The following FGF7 variants were observed in gnomAD, a reference collection of about 807,000 sequenced individuals.
FGF7 encodes the protein fibroblast growth factor 7.
A neutral mutation model predicts 20.5 loss-of-function variants in FGF7; 6 were observed. That is an observed-to-expected ratio of 0.29 (90% CI 0.16 to 0.58). The LOEUF is 0.58. Among genes scored for constraint, FGF7 ranks in the 20% least tolerant of loss-of-function variants. FGF7 has a pLI of 0.90. For synonymous variants in FGF7, 64 were observed against 74.7 expected (o/e 0.86, Z 0.74); for missense variants, 144 against 228.8 (o/e 0.63, Z 2.39).
At chr15:49,458,075 C>A (rs1450161836) in intron 2 of FGF7, among the ~76,000 whole-genome samples, 2 of 151,836 alleles carry the variant, frequency 1.3e-5, no homozygotes, top group Non-Finnish European at 2.9e-5. Flanking sequence ...TGTAAAAATT[C>A]TCTGAAAACT....
rs2056367782 is a variant in FGF7, at chr15:49,485,917, G to C, written c.*1413G>C. The stretch of plus-strand genomic sequence containing the variant: ...ACTGAAAGTTGTTTTCCTGTTAGAT[G>C]GCAAGAGCACAATGCCCAAAATAGA... On this transcript the variant is annotated 3_prime_UTR_variant, in exon 4 of 4. Transcript: ENST00000267843. The C allele has an allele frequency of 1.3e-5, 2 of 152,000 alleles. No homozygotes were observed. Among genetic ancestry groups the C allele is most frequent in the Admixed American group, 6.6e-5 (1 of 15,224 alleles). 9.4% of individuals were successfully genotyped at this position (152,000 alleles called of 1,614,324 possible).
Position 49,424,238 on chromosome 15 carries a change from A to G in FGF7, c.-60A>G. On this transcript the variant is annotated 5_prime_UTR_variant, in exon 2 of 4. Transcript: ENST00000267843. The stretch of plus-strand genomic sequence containing the variant: ...AAGAGGTCAATGACCTAGGAGTAAC[A>G]ATCAACTCAAGATTCATTTTCATTA... 1 of 1,467,926 alleles carries G rather than the reference A, an allele frequency of 6.8e-7. No homozygotes were observed. Among genetic ancestry groups the G allele is most frequent in the Non-Finnish European group, 9.4e-7 (1 of 1,061,888 alleles). 90.9% of individuals were successfully genotyped at this position (1,467,926 alleles called of 1,614,324 possible). A position where few individuals can be genotyped will look rare whatever the true frequency, so the allele number is the denominator to read the frequency against.
chr15:49,456,475 C>A (rs940188355), intron 2 of FGF7, among the ~76,000 whole-genome samples: 1 of 152,070 alleles, frequency 6.6e-6, no homozygotes, highest in African/African-American at 2.4e-5. Context: ...AATTTCTCAA[C>A]CATTATATTT....
At chr15:49,449,911 AG>A (rs1389017542) in intron 2 of FGF7, among the ~76,000 whole-genome samples, 3 of 152,094 alleles carry the variant, frequency 2.0e-5, no homozygotes, top group Non-Finnish European at 2.9e-5. Flanking sequence ...GTTGGAAAAC[AG>A]GTTTTTAGAA....
At position 49,426,557 on chromosome 15, in the gene FGF7, TTTTG is replaced by T. The variant is rs375049919; in HGVS notation, c.286+1980_286+1983del. On this transcript the variant is annotated intron_variant, in intron 2 of 3. Transcript: ENST00000267843. Reference sequence around the variant, plus strand: ...AATACATTTGCATATGTAAATTTTATTTTGTTTGTGTTAAAATTTCTTGAAACAA... The same window carrying T: ...AATACATTTGCATATGTAAATTTTATTTTGTGTTAAAATTTCTTGAAACAA... Among the ~76,000 whole-genome samples the T allele has an allele frequency of 4.2e-3, 632 of 152,074 alleles. 8 individuals are homozygous for T. The highest frequency in any genetic ancestry group is 0.015 in the African/African-American group (603 of 41,544).
At chr15:49,450,483 A>G (rs574405749) in intron 2 of FGF7, among the ~76,000 whole-genome samples, 32 of 152,144 alleles carry the variant, frequency 2.1e-4, no homozygotes, top group African/African-American at 7.0e-4. Flanking sequence ...TTAGAGAGCC[A>G]TTTTATAAAC....
intron 2 of FGF7, among the ~76,000 whole-genome samples, chr15:49,480,017 G>T (rs2055779536): frequency 6.6e-6 from 1 of 152,156 alleles, no homozygotes; most frequent in South Asian, 2.1e-4. Context: ...TTATTCTTGA[G>T]CTTTTCTTGA....
intron 2 of FGF7, among the ~76,000 whole-genome samples, chr15:49,451,969 T>C (rs2052790765): frequency 6.6e-6 from 1 of 152,148 alleles, no homozygotes; most frequent in Admixed American, 6.5e-5. Flanking sequence ...AAAAATGCTA[T>C]TTGAGAAACT....
rs182851073 is a variant in FGF7, at chr15:49,455,577, T to C, written c.287-27574T>C. ...TTCTGGGTAGGTCCATCGTCAGTTA[T>C]AAAAAAGTTTTTGGATTTAGATAAA... On this transcript the variant is annotated intron_variant, in intron 2 of 3. Coordinates refer to ENST00000267843, the MANE Select transcript of FGF7 (RefSeq NM_002009.4). Among the ~76,000 whole-genome samples the C allele has an allele frequency of 3.6e-4, 55 of 152,272 alleles. 1 individual carries two copies. In the South Asian group the frequency reaches 8.7e-3, roughly 24 times the overall value.
chr15:49,438,005 G>A (rs190342332), intron 2 of FGF7, among the ~76,000 whole-genome samples: 108 of 151,678 alleles, frequency 7.1e-4, no homozygotes, highest in African/African-American at 2.3e-3. Flanking sequence ...AATGGGGAAG[G>A]GAGTCAGAAG....
chr15:49,486,069 T>G lies in FGF7; in HGVS notation c.*1565T>G, dbSNP rs1267899932. The G allele has an allele frequency of 2.6e-5, 4 of 152,018 alleles. No homozygotes were observed. The highest frequency in any genetic ancestry group is 4.4e-5 in the Non-Finnish European group (3 of 67,922). The allele number at this position is 152,018 out of a possible 1,614,324, so 9.4% of individuals were successfully genotyped here. A position where few individuals can be genotyped will look rare whatever the true frequency, so the allele number is the denominator to read the frequency against. ...TTCATTGGCAGATCTTGGTAGCACT[T>G]TATATGTTCACCAATGGGAGGTCAA... On this transcript the variant is annotated 3_prime_UTR_variant, in exon 4 of 4. Coordinates refer to ENST00000267843, the MANE Select transcript of FGF7 (RefSeq NM_002009.4).
chr15:49,480,355 T>C (rs544156218), intron 2 of FGF7, among the ~76,000 whole-genome samples: 1 of 152,218 alleles, frequency 6.6e-6, no homozygotes, highest in East Asian at 1.9e-4. Flanking sequence ...CCACCCACAC[T>C]GGAGTGCTGT....
At chr15:49,425,371 T>C (rs2050033592) in intron 2 of FGF7, 1 of 152,032 alleles carries the variant, frequency 6.6e-6, no homozygotes, top group Non-Finnish European at 1.5e-5. Flanking sequence ...ATCAGGGTTG[T>C]GTTTTGCATT....
At chr15:49,452,140 C>G (rs1419242588) in intron 2 of FGF7, among the ~76,000 whole-genome samples, 1 of 151,986 alleles carries the variant, frequency 6.6e-6, no homozygotes, top group East Asian at 1.9e-4. Flanking sequence ...CTTCTAGGTT[C>G]AAGCAATTCT....
chr15:49,461,780 C>T (rs1006096861), intron 2 of FGF7, among the ~76,000 whole-genome samples: 1 of 152,114 alleles, frequency 6.6e-6, no homozygotes, highest in Admixed American at 6.6e-5. Context: ...TTTTCTTATG[C>T]TAATTATGGT....
intron 2 of FGF7, among the ~76,000 whole-genome samples, chr15:49,431,026 A>AT (rs977284483): frequency 2.2e-4 from 33 of 151,928 alleles, no homozygotes; most frequent in African/African-American, 7.7e-4. Context: ...GTATCACACA[A>AT]TTTTTGGTAG....
rs565635913 is a variant in FGF7, at chr15:49,445,118, G to A, written c.286+20535G>A. 9.2e-5 allele frequency among the ~76,000 whole-genome samples: 14 copies of A among 151,572 alleles called. No homozygotes were observed. The South Asian group carries it at 2.7e-3, about 29-fold the overall frequency. ...AATTTCATAATTTAAAATGGTTGGT[G>A]TTTTTTCAACTTTTATTTTAGATTC... is the stretch of plus-strand genomic sequence containing the variant. On this transcript the variant is annotated intron_variant, in intron 2 of 3. Transcript: ENST00000267843.
chr15:49,445,182 T>C (rs2052071304), intron 2 of FGF7, among the ~76,000 whole-genome samples: 1 of 151,644 alleles, frequency 6.6e-6, no homozygotes, highest in South Asian at 2.1e-4. Flanking sequence ...GGGTATATTG[T>C]GTGATGCTAA....
chr15:49,452,186 T>C (rs111746058), intron 2 of FGF7, among the ~76,000 whole-genome samples: 3,688 of 152,078 alleles, frequency 0.024, 116 homozygotes, highest in South Asian at 0.15. Context: ...GCACTACAGG[T>C]GCATGCTACC....
Sources: allele counts gnomAD v4.1 joint callset (sites outside exome capture counted in the v4.1 genomes callset), GRCh38; gene constraint gnomAD v4.1.1; transcripts MANE v1.5; gene names NCBI Gene and HGNC (gene_info 2026-07-23, HGNC 2026-07-21).